LYST: variants seen among roughly 807,000 people sequenced by gnomAD.
The protein encoded by LYST is lysosomal trafficking regulator.
A neutral mutation model predicts 413.6 loss-of-function variants in LYST; 192 were observed. That is an observed-to-expected ratio of 0.46 (90% CI 0.41 to 0.52). The LOEUF (loss-of-function observed/expected upper bound fraction) is 0.52. LYST is among the 20% of genes least tolerant of loss of function. LYST has a pLI of 0.00. For synonymous variants in LYST, 1,525 were observed against 1,567.3 expected (o/e 0.97, Z 0.64); for missense variants, 3,815 against 4,499.9 (o/e 0.85, Z 4.35).
intron 40 of LYST, among the ~76,000 whole-genome samples, chr1:235,718,194 G>GT (rs34692090): frequency 0.4 from 58,538 of 146,438 alleles, 11,952 homozygotes; most frequent in African/African-American, 0.47. Flanking sequence ...ATAAATAGGG[G>GT]TTTTTTTTTT....
chr1:235,731,084 ACAT>A lies in LYST; in HGVS notation c.8892_8894del (p.Arg2964_Cys2965delinsSer). 1 of 1,613,708 alleles carries A rather than the reference ACAT, an allele frequency of 6.2e-7. No individual in the cohort carries two copies. On this transcript the variant is annotated inframe_deletion, in exon 35 of 53. Coordinates refer to ENST00000389793, the MANE Select transcript of LYST (RefSeq NM_000081.4). ...GATACTTATTTGGAATAGTTAAATAACATCTCTGTAAACGTCTCCTCTCTCGAT... is the reference window on the plus strand; with the variant it reads ...GATACTTATTTGGAATAGTTAAATAACTCTGTAAACGTCTCCTCTCTCGAT...
In LYST at chr1:235,809,092, C is replaced by G; in HGVS notation, c.1726G>C (p.Gly576Arg). The G allele has an allele frequency of 6.2e-7, 1 of 1,614,074 alleles. No homozygotes were observed. Among genetic ancestry groups the G allele is most frequent in the Non-Finnish European group, 8.5e-7 (1 of 1,179,980 alleles). Reference sequence around the variant, plus strand: ...CAGCATATTCCAATGTTATGAACACCCGATAGGATCTGGACACAAGTGCTG... The same window carrying G: ...CAGCATATTCCAATGTTATGAACACGCGATAGGATCTGGACACAAGTGCTG... The part of the protein sequence containing the change: ...LSSTCVQILS[G>R]VHNIGICCCM... Residue 576 changes from glycine to arginine, a missense_variant, in exon 5 of 53, where the codon GGT becomes CGT. By Grantham distance (125) the Gly-to-Arg change is moderately radical. Around this residue, in one of 4 missense-constraint regions of LYST, gnomAD observed 1,648 missense variants for 1,810.3 expected, o/e 0.91. Coordinates refer to ENST00000389793, the MANE Select transcript of LYST (RefSeq NM_000081.4). This position sits in a 1 kb window ranked among gnomAD's most constrained non-coding sequence, Gnocchi z 4.0.
rs922968465 is a variant in LYST, at chr1:235,808,802, G to A, written c.2016C>T (p.Tyr672=). The A allele has an allele frequency of 1.2e-6, 2 of 1,613,990 alleles. No individual in the cohort carries two copies. Residue 672 remains tyrosine (Y), a synonymous_variant, in exon 5 of 53, where the codon TAC becomes TAT. Coordinates refer to ENST00000389793, the MANE Select transcript of LYST (RefSeq NM_000081.4). The part of the protein sequence containing the change: ...ELSSSLSSPS[Y]RFQGILPSSG... ...TGCTGGGCAGGATCCCTTGAAATCT[G>A]TAAGAAGGACTGGATAAACTTGAGG...
chr1:235,665,642 T>C (rs1002250356), intron 50 of LYST, among the ~76,000 whole-genome samples: 1 of 147,018 alleles, frequency 6.8e-6, no homozygotes, highest in African/African-American at 2.5e-5. Context: ...GTGACTTATG[T>C]GACTTTTGAA....
rs967332485 is a variant in LYST, at chr1:235,664,660, G to A, written c.11039-39C>T. The stretch of plus-strand genomic sequence containing the variant: ...ATCATCCGGCGGGTTACCAGAATGT[G>A]GCTGTCTCAGAGCCCACATTTGGCC... On this transcript the variant is annotated intron_variant, in intron 50 of 52. Coordinates refer to ENST00000389793, the MANE Select transcript of LYST (RefSeq NM_000081.4). This position sits in a 1 kb window ranked among gnomAD's most constrained non-coding sequence, Gnocchi z 4.5. 14 of 1,611,360 alleles carry A rather than the reference G, an allele frequency of 8.7e-6. No homozygotes were observed. The highest frequency in any genetic ancestry group is 2.7e-5 in the African/African-American group (2 of 74,818).
rs1660251830 is a variant in LYST, at chr1:235,686,723, C to A, written c.10800+226G>T. On this transcript the variant is annotated intron_variant, in intron 48 of 52. Transcript: ENST00000389793. The surrounding 1 kb of genome is among the most constrained non-coding windows in gnomAD (Gnocchi z 4.0). The stretch of plus-strand genomic sequence containing the variant: ...TTAAAAGCCTAAATACAAAACAGAT[C>A]TAACTCAAAATACCGTCTCTGAAAA... Among the ~76,000 whole-genome samples, 1 of 152,124 alleles carries A rather than the reference C, an allele frequency of 6.6e-6. No individual in the cohort carries two copies. The highest frequency in any genetic ancestry group is 1.5e-5 in the Non-Finnish European group (1 of 68,022).
intron 48 of LYST, among the ~76,000 whole-genome samples, chr1:235,683,228 G>A (rs954696442): frequency 6.6e-6 from 1 of 152,200 alleles, no homozygotes; most frequent in African/African-American, 2.4e-5. Flanking sequence ...ATAACTTCCA[G>A]CGGGTCGAGC....
At position 235,703,493 on chromosome 1, in the gene LYST, G is replaced by A. The variant is rs529591099; in HGVS notation, c.10144-516C>T. ...TATTTTTTCTTAGTGTCATTATCCC[G>A]TAGAGTCAGATGGAGAGCAATGCAC... On this transcript the variant is annotated intron_variant, in intron 44 of 52. Coordinates refer to ENST00000389793, the MANE Select transcript of LYST (RefSeq NM_000081.4). 2.4e-4 allele frequency among the ~76,000 whole-genome samples: 37 copies of A among 152,194 alleles called. 1 individual carries two copies. In the South Asian group the frequency reaches 6.0e-3, roughly 25 times the overall value.
At chr1:235,717,358 T>C (rs1465946809) in intron 40 of LYST, among the ~76,000 whole-genome samples, 1 of 152,228 alleles carries the variant, frequency 6.6e-6, no homozygotes, top group East Asian at 1.9e-4. Flanking sequence ...GCGCACAGTG[T>C]AGAGTATGTA....
chr1:235,670,471 T>A (rs966524216), intron 50 of LYST, among the ~76,000 whole-genome samples: 7 of 152,214 alleles, frequency 4.6e-5, no homozygotes, highest in African/African-American at 1.7e-4. Context: ...TGGGATCCCA[T>A]TCTCCTCCGG....
rs1161712139 is a variant in LYST, at chr1:235,691,699, C to CTTT, written c.10701+1648_10701+1650dup. On this transcript the variant is annotated intron_variant, in intron 47 of 52. Coordinates refer to ENST00000389793, the MANE Select transcript of LYST (RefSeq NM_000081.4). ...AAGTACTATAAACATCAGATTCTCT[C>CTTT]TTTTTTTTTTTTTTGAGATGGAGTT... Among the ~76,000 whole-genome samples, 27 of 141,994 alleles carry CTTT rather than the reference C, an allele frequency of 1.9e-4. 1 individual carries two copies. The highest frequency in any genetic ancestry group is 7.1e-4 in the African/African-American group (27 of 37,982). The allele number at this position is 141,994 out of a possible 152,430, so 93.2% of individuals were successfully genotyped here.
chr1:235,803,656 C>CA (rs1305888371), intron 7 of LYST, among the ~76,000 whole-genome samples: 1 of 152,000 alleles, frequency 6.6e-6, no homozygotes, highest in African/African-American at 2.4e-5. Context: ...TTTTAGAAAA[C>CA]ATTTTCACTT....
intron 46 of LYST, among the ~76,000 whole-genome samples, chr1:235,694,325 T>C (rs1000406484): frequency 3.9e-5 from 6 of 152,138 alleles, no homozygotes; most frequent in African/African-American, 1.4e-4. Flanking sequence ...CTCTCTCTTT[T>C]TTACAACATA....
intron 10 of LYST, among the ~76,000 whole-genome samples, chr1:235,795,921 C>T (rs2102787016): frequency 6.6e-6 from 1 of 151,734 alleles, no homozygotes; most frequent in South Asian, 2.1e-4. Flanking sequence ...CAAATATATA[C>T]AAGGAGATAT....
chr1:235,880,239 A>G (rs1681321396), intron 1 of LYST, among the ~76,000 whole-genome samples: 1 of 152,222 alleles, frequency 6.6e-6, no homozygotes, highest in South Asian at 2.1e-4. Flanking sequence ...AAGGAAGACT[A>G]TATCTCACTC....
intron 31 of LYST, among the ~76,000 whole-genome samples, 181 bp downstream of exon 31, chr1:235,741,241 C>G (rs1469409579): frequency 2.0e-5 from 3 of 152,168 alleles, no homozygotes; most frequent in African/African-American, 7.2e-5. Flanking sequence ...GAAATAAACA[C>G]AGAGGTTAAA....
At chr1:235,711,790 C>G (rs1274675180) in intron 43 of LYST, among the ~76,000 whole-genome samples, 2 of 151,848 alleles carry the variant, frequency 1.3e-5, no homozygotes, top group Non-Finnish European at 2.9e-5. Flanking sequence ...AAGAATAAAG[C>G]AATTTCTATA....
intron 29 of LYST, among the ~76,000 whole-genome samples, chr1:235,745,917 G>C (rs1040935934): frequency 2.0e-5 from 3 of 152,172 alleles, no homozygotes; most frequent in African/African-American, 7.2e-5. Flanking sequence ...GCTAAGAGAA[G>C]GGCAATATGA....
intron 48 of LYST, among the ~76,000 whole-genome samples, chr1:235,684,459 G>A (rs1412452576): frequency 6.6e-6 from 1 of 152,128 alleles, no homozygotes; most frequent in Non-Finnish European, 1.5e-5. Context: ...CGATTTGTAG[G>A]GGAAGTCAGA....
Sources: allele counts gnomAD v4.1 joint callset (sites outside exome capture counted in the v4.1 genomes callset), GRCh38; gene constraint gnomAD v4.1.1; regional missense constraint gnomAD v4.1.1; non-coding constraint Gnocchi (gnomAD v3.1); transcripts MANE v1.5; gene names NCBI Gene and HGNC (gene_info 2026-07-23, HGNC 2026-07-21).